ARHGEF7: variants seen among roughly 807,000 people sequenced by gnomAD.
The protein encoded by ARHGEF7 is Rho guanine nucleotide exchange factor 7.
In ARHGEF7, 33 loss-of-function variants were observed where a neutral mutation model predicts 109.8. That is an observed-to-expected ratio of 0.30 (90% CI 0.23 to 0.40). The LOEUF is 0.40. Among genes scored for constraint, ARHGEF7 ranks in the 10% least tolerant of loss-of-function variants. The probability of loss-of-function intolerance (pLI) is 1.00; values close to 1 mark genes in which losing one functional copy is unlikely to be tolerated. For synonymous variants in ARHGEF7, 458 were observed against 424.6 expected, an observed-to-expected ratio of 1.08 and a Z score of -0.97; for missense variants, 938 against 1,098.5, an observed-to-expected ratio of 0.85 and a Z score of 2.07.
At chr13:111,185,439 C>G (rs1295954367) in intron 2 of ARHGEF7, among the ~76,000 whole-genome samples, 1 of 152,216 alleles carries the variant, frequency 6.6e-6, no homozygotes, top group African/African-American at 2.4e-5. Flanking sequence ...CTTTTTCTTT[C>G]TCTCATTTCG....
intron 2 of ARHGEF7, among the ~76,000 whole-genome samples, chr13:111,204,549 A>G (rs973610123): frequency 6.6e-6 from 1 of 152,148 alleles, no homozygotes; most frequent in Admixed American, 6.5e-5. Flanking sequence ...CGTTCTAGAC[A>G]CTAGTTGCCA....
At chr13:111,168,140 G>A (rs993329117) in intron 2 of ARHGEF7, among the ~76,000 whole-genome samples, 2 of 152,108 alleles carry the variant, frequency 1.3e-5, no homozygotes, top group Non-Finnish European at 2.9e-5. Flanking sequence ...TTCCTCTCTC[G>A]TCCAGGTCAT....
intron 5 of ARHGEF7, among the ~76,000 whole-genome samples, chr13:111,219,065 T>C (rs2083491447): frequency 6.6e-6 from 1 of 152,212 alleles, no homozygotes; most frequent in African/African-American, 2.4e-5. Context: ...GTTCTAAGTG[T>C]ACTGTTCAGT....
At position 111,136,528 on chromosome 13, in the gene ARHGEF7, G is replaced by C. The variant is rs1323901652; in HGVS notation, c.166-17377G>C. Among the ~76,000 whole-genome samples, 3 of 152,284 alleles carry C rather than the reference G, an allele frequency of 2.0e-5. No homozygotes were observed. The East Asian group carries it at 5.8e-4, about 29-fold the overall frequency. ...ATAACAAAATGAAGGCAGAAATAAA[G>C]ATGTTCTTTGAAACCAATGAGAACA... On this transcript the variant is annotated intron_variant, in intron 1 of 21. Transcript: ENST00000646102.
intron 5 of ARHGEF7, 27 bp downstream of exon 5, chr13:111,217,907 T>C: frequency 6.3e-7 from 1 of 1,587,968 alleles, no homozygotes; most frequent in Non-Finnish European, 8.6e-7. Context: ...GGGCTGTGTG[T>C]GGCTTTTTGC....
At chr13:111,212,991 AG>A (rs2082680102) in intron 4 of ARHGEF7, among the ~76,000 whole-genome samples, 5 of 152,194 alleles carry the variant, frequency 3.3e-5, no homozygotes, top group Admixed American at 3.3e-4. Context: ...GTAAAGTTGG[AG>A]TAAAAATTGT....
intron 15 of ARHGEF7, among the ~76,000 whole-genome samples, chr13:111,281,774 C>T (rs1370234943): frequency 6.6e-6 from 1 of 152,142 alleles, no homozygotes; most frequent in Non-Finnish European, 1.5e-5. Flanking sequence ...TGTGGCCAGA[C>T]CCTCCGTCTT....
intron 2 of ARHGEF7, among the ~76,000 whole-genome samples, chr13:111,192,570 A>G (rs1243300635): frequency 1.3e-5 from 2 of 152,218 alleles, no homozygotes; most frequent in Admixed American, 1.3e-4. Context: ...CAACAAGGCC[A>G]TGGGCAAAAG....
intron 19 of ARHGEF7, among the ~76,000 whole-genome samples, chr13:111,296,976 A>T (rs1193104400): frequency 1.3e-5 from 2 of 152,226 alleles, no homozygotes; most frequent in Admixed American, 1.3e-4. Flanking sequence ...AAAGCGAGAG[A>T]ACATTATCGG....
chr13:111,303,053 G>C lies in ARHGEF7; in HGVS notation c.2529G>C (p.Lys843Asn). ...AGAGAGCCCGCAAAGACCTGGAGAA[G>C]CTGGTGAGGAAAGTCCTGAAGAACA... ...EEQRARKDLEKLVRKVLKNMN... is the reference protein window; with the variant it reads ...EEQRARKDLENLVRKVLKNMN... The change falls in exon 22 of 22, where the codon AAG becomes AAC. Residue 843 changes from lysine (K) to asparagine (N), a missense_variant. Around this residue, in one of 4 missense-constraint regions of ARHGEF7, gnomAD observed 166 missense variants for 167.3 expected, o/e 0.99. Transcript: ENST00000646102. 1 of 1,614,156 alleles carries C rather than the reference G, an allele frequency of 6.2e-7. No homozygotes were observed. The highest frequency in any genetic ancestry group is 8.5e-7 in the Non-Finnish European group (1 of 1,179,994).
intron 2 of ARHGEF7, among the ~76,000 whole-genome samples, chr13:111,163,078 C>T (rs1312561664): frequency 2.6e-5 from 4 of 152,124 alleles, no homozygotes; most frequent in Admixed American, 6.5e-5. Flanking sequence ...AAGCGTGAAA[C>T]GGTTGGTCAC....
At chr13:111,257,225 T>G (rs1018663616) in intron 8 of ARHGEF7, among the ~76,000 whole-genome samples, 1 of 152,234 alleles carries the variant, frequency 6.6e-6, no homozygotes, top group East Asian at 1.9e-4. Flanking sequence ...ACTTAATCCT[T>G]CAGTCCCAGT....
At chr13:111,153,596 C>A (rs904962620) in intron 1 of ARHGEF7, 28 of 1,130,468 alleles carry the variant, frequency 2.5e-5, no homozygotes, top group East Asian at 6.2e-5. Context: ...ACACCCGACG[C>A]TATCCGAAGA....
At chr13:111,150,702 G>A (rs138403457) in intron 1 of ARHGEF7, among the ~76,000 whole-genome samples, 2 of 152,282 alleles carry the variant, frequency 1.3e-5, no homozygotes, top group East Asian at 1.9e-4. Flanking sequence ...CCTTGTTGGC[G>A]TCAAGAGCCT....
Position 111,258,423 on chromosome 13 carries a change from G to C in ARHGEF7, c.951-9125G>C, listed in dbSNP as rs906864028. ...TTGGATACCAGCTCAGCCACAGCAG[G>C]ATAGAGCATCAGGCAGAACCCTGAG... is the stretch of plus-strand genomic sequence containing the variant. On this transcript the variant is annotated intron_variant, in intron 8 of 21. Transcript: ENST00000646102. This position sits in a 1 kb window ranked among gnomAD's most constrained non-coding sequence, Gnocchi z 4.4. 2.0e-5 allele frequency among the ~76,000 whole-genome samples: 3 copies of C among 152,230 alleles called. No homozygotes were observed. Among genetic ancestry groups the C allele is most frequent in the Non-Finnish European group, 4.4e-5 (3 of 68,044 alleles).
At chr13:111,204,457 G>T (rs1036361151) in intron 2 of ARHGEF7, among the ~76,000 whole-genome samples, 1 of 152,342 alleles carries the variant, frequency 6.6e-6, no homozygotes, top group South Asian at 2.1e-4. Context: ...GTTATTTGGT[G>T]ATCAGAAGCC....
At chr13:111,224,470 T>C (rs1359084451) in intron 5 of ARHGEF7, among the ~76,000 whole-genome samples, 1 of 152,232 alleles carries the variant, frequency 6.6e-6, no homozygotes, top group African/African-American at 2.4e-5. Flanking sequence ...ATGTGCTGAC[T>C]TTAGTCATTC....
chr13:111,215,251 G>A (rs1031078617), intron 4 of ARHGEF7, among the ~76,000 whole-genome samples: 2 of 151,846 alleles, frequency 1.3e-5, no homozygotes, highest in Non-Finnish European at 2.9e-5. Context: ...GCGGATAGTT[G>A]TTAAGTTTGG....
rs1410839578 is a variant in ARHGEF7, at chr13:111,230,849, T to A, written c.671-2356T>A. ...GGGAGAAAAGGCAACCTGCCTGGAC[T>A]TAATCTGATTTGACTGGGTTTCTTC... is the stretch of plus-strand genomic sequence containing the variant. On this transcript the variant is annotated intron_variant, in intron 5 of 21. Transcript: ENST00000646102. Among the ~76,000 whole-genome samples, 7 of 152,378 alleles carry A rather than the reference T, an allele frequency of 4.6e-5. No individual in the cohort carries two copies. The East Asian group carries it at 1.2e-3, about 25-fold the overall frequency.
Sources: allele counts gnomAD v4.1 joint callset (sites outside exome capture counted in the v4.1 genomes callset), GRCh38; gene constraint gnomAD v4.1.1; regional missense constraint gnomAD v4.1.1; non-coding constraint Gnocchi (gnomAD v3.1); transcripts MANE v1.5; gene names NCBI Gene and HGNC (gene_info 2026-07-23, HGNC 2026-07-21).